The following GLI3 variants were observed in gnomAD, a reference collection of about 807,000 sequenced individuals.
The protein encoded by GLI3 is transcription activator GLI3.
GLI3 carries 20 observed loss-of-function variants against 100.8 expected under a neutral mutation model. That is an observed-to-expected ratio of 0.20 (90% confidence interval 0.14 to 0.29). The LOEUF is 0.29. Among genes scored for constraint, GLI3 ranks in the 10% least tolerant of loss-of-function variants. GLI3 has a pLI of 1.00. For missense variants in GLI3, 2,040 were observed against 2,128.5 expected (o/e 0.96, Z 0.82); for synonymous variants, 938 against 860.5 (o/e 1.09, Z -1.58).
chr7:42,228,434 C>A (rs958062478), intron 1 of GLI3, among the ~76,000 whole-genome samples: 15 of 152,224 alleles, frequency 9.9e-5, no homozygotes, highest in Non-Finnish European at 1.8e-4. Context: ...CAGCGCCTGG[C>A]AGTCTCCCTC....
At chr7:42,016,511 AC>A (rs1307581953) in intron 10 of GLI3, among the ~76,000 whole-genome samples, 1 of 152,094 alleles carries the variant, frequency 6.6e-6, no homozygotes, top group African/African-American at 2.4e-5. Flanking sequence ...ATTGAGTATA[AC>A]TTTTTTAGCT....
chr7:41,987,109 C>CACACAT (rs1787852262), intron 10 of GLI3, among the ~76,000 whole-genome samples: 1 of 150,970 alleles, frequency 6.6e-6, no homozygotes. Context: ...CAGACACACA[C>CACACAT]ACACACACAC....
intron 3 of GLI3, among the ~76,000 whole-genome samples, chr7:42,140,983 A>G (rs372084808): frequency 6.6e-6 from 1 of 152,174 alleles, no homozygotes; most frequent in African/African-American, 2.4e-5. Context: ...ATCACAAGCA[A>G]CTACTAAAAA....
chr7:42,170,154 A>T (rs1787335389), intron 2 of GLI3, among the ~76,000 whole-genome samples: 1 of 150,680 alleles, frequency 6.6e-6, no homozygotes, highest in South Asian at 2.1e-4. Flanking sequence ...CAGGAGGCTG[A>T]GGCACGAGAA....
chr7:42,223,773 C>G (rs1788535289), intron 1 of GLI3, among the ~76,000 whole-genome samples: 1 of 152,188 alleles, frequency 6.6e-6, no homozygotes, highest in Non-Finnish European at 1.5e-5. Context: ...AAGGCCTACT[C>G]CAAATTCTGA....
chr7:42,237,872 C>T (rs1421222509), upstream of GLI3: 1 of 150,020 alleles, frequency 6.7e-6, no homozygotes, highest in South Asian at 2.1e-4. Context: ...GTCCCAGCTG[C>T]GAGGCGGGCG....
At chr7:42,071,430 T>C (rs1784782521) in intron 4 of GLI3, among the ~76,000 whole-genome samples, 1 of 152,192 alleles carries the variant, frequency 6.6e-6, no homozygotes, top group Non-Finnish European at 1.5e-5. Context: ...TATAAGGTTT[T>C]ACTAAATCTC....
Position 41,983,105 on chromosome 7 carries a change from T to C in GLI3, c.1498-4357A>G, listed in dbSNP as rs545363720. 3.3e-5 allele frequency among the ~76,000 whole-genome samples: 5 copies of C among 152,246 alleles called. No individual in the cohort carries two copies. The South Asian group carries it at 8.3e-4, about 25-fold the overall frequency. On this transcript the variant is annotated intron_variant, in intron 10 of 14. Transcript: ENST00000395925. ...AAGTCTAAAAACCATTCTTAGCTCA[T>C]AGGCTGCACAGAAACAAGCAGCTGG... is the stretch of plus-strand genomic sequence containing the variant.
At chr7:42,180,147 G>T (rs1443696033) in intron 2 of GLI3, among the ~76,000 whole-genome samples, 1 of 152,084 alleles carries the variant, frequency 6.6e-6, no homozygotes, top group East Asian at 1.9e-4. Context: ...ACAGGCAGTG[G>T]TGGGGGCGGA....
chr7:42,100,105 C>A (rs1476799193), intron 3 of GLI3, among the ~76,000 whole-genome samples: 1 of 152,214 alleles, frequency 6.6e-6, no homozygotes, highest in Non-Finnish European at 1.5e-5. Context: ...CATGCCAAGT[C>A]AATCAATACC....
At chr7:42,252,602 G>C (rs1789045268) in intron 1 of GLI3, among the ~76,000 whole-genome samples, 1 of 152,142 alleles carries the variant, frequency 6.6e-6, no homozygotes, top group South Asian at 2.1e-4. Flanking sequence ...GATAGAATTT[G>C]AGTCACCTCT....
intron 1 of GLI3, among the ~76,000 whole-genome samples, chr7:42,258,982 A>G (rs148305990): frequency 1.6e-3 from 241 of 152,246 alleles, no homozygotes; most frequent in Middle Eastern, 3.4e-3. Context: ...AATTGTCTGA[A>G]CTAGTTTGTT....
intron 2 of GLI3, among the ~76,000 whole-genome samples, chr7:42,158,136 T>C (rs1448203744): frequency 6.6e-6 from 1 of 152,222 alleles, no homozygotes; most frequent in Non-Finnish European, 1.5e-5. Flanking sequence ...CAGCCCACTC[T>C]GGAAAGGCAT....
chr7:42,161,510 C>T (rs2128793824), intron 2 of GLI3, among the ~76,000 whole-genome samples: 1 of 152,226 alleles, frequency 6.6e-6, no homozygotes, highest in South Asian at 2.1e-4. Flanking sequence ...TGAAACACAC[C>T]TAGGAAAAAT....
chr7:42,023,018 T>C (rs574908943), intron 10 of GLI3, among the ~76,000 whole-genome samples: 2 of 152,338 alleles, frequency 1.3e-5, no homozygotes, highest in African/African-American at 4.8e-5. Context: ...GAGTACTAAC[T>C]GCAGCTTAAA....
upstream of GLI3, among the ~76,000 whole-genome samples, chr7:42,240,633 A>T (rs913626531): frequency 2.0e-5 from 3 of 152,150 alleles, no homozygotes; most frequent in Non-Finnish European, 4.4e-5. Flanking sequence ...CTCTTCTTAT[A>T]AAAGCACGAG....
At chr7:41,968,756 GAAAGAAGGAAA>G (rs1787285573) in intron 13 of GLI3, among the ~76,000 whole-genome samples, 114 of 96,732 alleles carry the variant, frequency 1.2e-3, no homozygotes, top group Middle Eastern at 5.4e-3. Flanking sequence ...AAGAAAGAAA[GAAAGAAGGAAA>G]GAAAGAAAGA....
At chr7:42,228,497 C>T (rs1472188291) in intron 1 of GLI3, among the ~76,000 whole-genome samples, 2 of 152,168 alleles carry the variant, frequency 1.3e-5, no homozygotes, top group African/African-American at 4.8e-5. Flanking sequence ...CACCCTGCTC[C>T]TCGGAATATT....
chr7:41,989,302 C>A (rs1787919600), intron 10 of GLI3, among the ~76,000 whole-genome samples: 1 of 152,166 alleles, frequency 6.6e-6, no homozygotes, highest in African/African-American at 2.4e-5. Context: ...CAAAGAGGCA[C>A]CTTCTATTTC....
Sources: allele counts gnomAD v4.1 joint callset (sites outside exome capture counted in the v4.1 genomes callset), GRCh38; gene constraint gnomAD v4.1.1; transcripts MANE v1.5; gene names NCBI Gene and HGNC (gene_info 2026-07-23, HGNC 2026-07-21).